The following CDC73 variants were observed in gnomAD, a reference collection of about 807,000 sequenced individuals.
CDC73 encodes parafibromin.
A neutral mutation model predicts 83.7 loss-of-function variants in CDC73; 21 were observed. The observed-to-expected ratio is 0.25, with a 90% CI of 0.18 to 0.36. The LOEUF (loss-of-function observed/expected upper bound fraction) is 0.36, where lower values mean the gene tolerates loss of function less well. Among genes scored for constraint, CDC73 ranks in the 10% least tolerant of loss-of-function variants. The pLI is 1.00. For missense variants in CDC73, 342 were observed against 653.3 expected, an observed-to-expected ratio of 0.52 and a Z score of 5.19; for synonymous variants, 224 against 212.9, an observed-to-expected ratio of 1.05 and a Z score of -0.45.
chr1:193,145,995 AGTTGAGAGT>A (rs1179688247), intron 7 of CDC73, among the ~76,000 whole-genome samples: 3 of 152,198 alleles, frequency 2.0e-5, no homozygotes, highest in Non-Finnish European at 4.4e-5. Flanking sequence ...CAGTTAACTT[AGTTGAGAGT>A]AAAGAGGAGT....
chr1:193,248,603 A>G (rs1230823086), intron 15 of CDC73, among the ~76,000 whole-genome samples: 1 of 152,114 alleles, frequency 6.6e-6, no homozygotes, highest in Non-Finnish European at 1.5e-5. Context: ...TCTAGATGCC[A>G]TTAAGAACAT....
chr1:193,219,407 A>C (rs1677426469), intron 13 of CDC73, among the ~76,000 whole-genome samples: 1 of 152,224 alleles, frequency 6.6e-6, no homozygotes, highest in South Asian at 2.1e-4. Context: ...ACCTAGAGGA[A>C]TATAAATCTT....
chr1:193,171,462 T>G (rs1220547611), intron 10 of CDC73, among the ~76,000 whole-genome samples: 1 of 152,190 alleles, frequency 6.6e-6, no homozygotes, highest in Non-Finnish European at 1.5e-5. Context: ...TTGATTGAAT[T>G]CAGTTCCTTG....
At chr1:193,241,053 T>C (rs931806323) in intron 15 of CDC73, among the ~76,000 whole-genome samples, 2 of 152,232 alleles carry the variant, frequency 1.3e-5, no homozygotes, top group Non-Finnish European at 2.9e-5. Flanking sequence ...ATTCTGTTTT[T>C]CTTTTTTTTG....
chr1:193,143,744 G>A (rs1418742154), intron 7 of CDC73, among the ~76,000 whole-genome samples: 3 of 152,104 alleles, frequency 2.0e-5, no homozygotes, highest in Non-Finnish European at 2.9e-5. Flanking sequence ...GTGGGTTTTA[G>A]ATAGACCTTC....
rs10672869 is a variant in CDC73, at chr1:193,177,358, CAAAAAA to C, written c.972+24931_972+24936del. Among the ~76,000 whole-genome samples, 157 of 69,530 alleles carry C rather than the reference CAAAAAA, an allele frequency of 2.3e-3. 1 individual carries two copies. The highest frequency in any genetic ancestry group is 8.4e-3 in the African/African-American group (147 of 17,536). 45.6% of individuals were successfully genotyped at this position (69,530 alleles called of 152,430 possible). ...TGAAACCCCATCTCTACTAAAAATA[CAAAAAA>C]AAAAAAAAAAAAAAAATCAGCCGGG... On this transcript the variant is annotated intron_variant, in intron 10 of 16. Transcript: ENST00000367435.
rs556805497 is a variant in CDC73, at chr1:193,129,730, C to CT, written c.238-441dup. The stretch of plus-strand genomic sequence containing the variant: ...GTGTTGCCATGTTGGCCAGGCTGGT[C>CT]TTTAACTCCTGACCTCAGGTGATCC... On this transcript the variant is annotated intron_variant, in intron 2 of 16. Coordinates refer to ENST00000367435, the MANE Select transcript of CDC73 (RefSeq NM_024529.5). Among the ~76,000 whole-genome samples, 12 of 152,022 alleles carry CT rather than the reference C, an allele frequency of 7.9e-5. 1 individual carries two copies. The South Asian group carries it at 2.5e-3, about 32-fold the overall frequency.
At chr1:193,232,876 C>T in intron 13 of CDC73, 117 bp from the exon 14 acceptor site, 1 of 828,856 alleles carries the variant, frequency 1.2e-6, no homozygotes, top group Non-Finnish European at 1.9e-6. Flanking sequence ...GCACTCTAGC[C>T]TGGGCAATAA....
chr1:193,251,380 A>G lies in CDC73; in HGVS notation c.*668A>G. ...CCTAGAATGATGTGTTTCTATCTGT[A>G]ATATCTTTCCATTTGAAAAAAATCT... On this transcript the variant is annotated 3_prime_UTR_variant, in exon 17 of 17. Coordinates refer to ENST00000367435, the MANE Select transcript of CDC73 (RefSeq NM_024529.5). The G allele has an allele frequency of 4.3e-6, 1 of 232,090 alleles. No individual in the cohort carries two copies. Among genetic ancestry groups the G allele is most frequent in the East Asian group, 6.1e-5 (1 of 16,360 alleles). 14.4% of individuals were successfully genotyped at this position (232,090 alleles called of 1,614,324 possible). A position where few individuals can be genotyped will look rare whatever the true frequency, so the allele number is the denominator to read the frequency against.
chr1:193,141,767 A>G, intron 6 of CDC73, 83 bp from the exon 7 acceptor site: 1 of 933,068 alleles, frequency 1.1e-6, no homozygotes, highest in South Asian at 1.5e-5. Flanking sequence ...TTTTTACCAG[A>G]AATTTATAAA....
rs1676376223 is a variant in CDC73, at chr1:193,163,360, A to T, written c.972+10916A>T. 1.3e-5 allele frequency among the ~76,000 whole-genome samples: 2 copies of T among 151,922 alleles called. 1 individual carries two copies. Among genetic ancestry groups the T allele is most frequent in the African/African-American group, 4.8e-5 (2 of 41,350 alleles). On this transcript the variant is annotated intron_variant, in intron 10 of 16. Coordinates refer to ENST00000367435, the MANE Select transcript of CDC73 (RefSeq NM_024529.5). The stretch of plus-strand genomic sequence containing the variant: ...GCCTCTACAAAAATATTCAAAAATT[A>T]GCCGAGCGTAGTGGTATGTGCCTGT...
chr1:193,125,301 C>A, intron 2 of CDC73, 84 bp downstream of exon 2: 1 of 865,678 alleles, frequency 1.2e-6, no homozygotes, highest in South Asian at 1.4e-5. Context: ...CCTTGTTGCC[C>A]GGGCTAGGGT....
intron 13 of CDC73, among the ~76,000 whole-genome samples, chr1:193,214,676 G>A (rs1449809089): frequency 2.0e-5 from 3 of 152,140 alleles, no homozygotes; most frequent in African/African-American, 4.8e-5. Context: ...CTGAGATGCC[G>A]CCACTGCACT....
At chr1:193,184,354 T>C (rs1676769521) in intron 10 of CDC73, among the ~76,000 whole-genome samples, 1 of 151,960 alleles carries the variant, frequency 6.6e-6, no homozygotes, top group Non-Finnish European at 1.5e-5. Context: ...TCTCCAGTTA[T>C]TGCCTGTTGT....
chr1:193,237,884 C>CT (rs1177139096), intron 15 of CDC73, among the ~76,000 whole-genome samples: 1 of 152,088 alleles, frequency 6.6e-6, no homozygotes, highest in African/African-American at 2.4e-5. Flanking sequence ...ATTATGATAG[C>CT]TTTTTATGTT....
chr1:193,170,657 A>G (rs1042421702), intron 10 of CDC73, among the ~76,000 whole-genome samples: 3 of 152,106 alleles, frequency 2.0e-5, no homozygotes, highest in African/African-American at 7.2e-5. Flanking sequence ...TTTAAGTTCC[A>G]TATAGATGCT....
chr1:193,154,796 C>T (rs554277813), intron 10 of CDC73, among the ~76,000 whole-genome samples: 7 of 152,114 alleles, frequency 4.6e-5, no homozygotes, highest in Middle Eastern at 3.4e-3. Context: ...CTCTTCTTTT[C>T]TGCTTTGGAA....
intron 3 of CDC73, among the ~76,000 whole-genome samples, chr1:193,135,072 TTA>T (rs1675767336): frequency 2.0e-5 from 3 of 152,260 alleles, no homozygotes; most frequent in Admixed American, 6.5e-5. Flanking sequence ...ATATATATAT[TTA>T]TGTGTTTACT....
At chr1:193,148,112 C>T (rs1314990303) in intron 8 of CDC73, 147 bp downstream of exon 8, 10 of 691,206 alleles carry the variant, frequency 1.4e-5, no homozygotes, top group Non-Finnish European at 2.7e-5. Flanking sequence ...TGTGAAAGCC[C>T]TCCCCAACAT....
Sources: allele counts gnomAD v4.1 joint callset (sites outside exome capture counted in the v4.1 genomes callset), GRCh38; gene constraint gnomAD v4.1.1; transcripts MANE v1.5; gene names NCBI Gene and HGNC (gene_info 2026-07-23, HGNC 2026-07-21).